RRP1: variants seen among roughly 807,000 people sequenced by gnomAD.
The protein encoded by RRP1 is ribosomal RNA processing 1, also known as ribosomal RNA processing protein 1 homolog A.
A neutral mutation model predicts 54.6 loss-of-function variants in RRP1; 37 were observed. That is an observed-to-expected ratio of 0.68 (90% confidence interval 0.52 to 0.89). RRP1 has a LOEUF of 0.89. Ranked by LOEUF, RRP1 falls within the 40% of genes least tolerant of loss-of-function variation. RRP1 has a pLI of 0.00. For missense variants in RRP1, 639 were observed against 612.5 expected (o/e 1.04, Z -0.46); for synonymous variants, 262 against 244.3 (o/e 1.07, Z -0.67).
intron 2 of RRP1, among the ~76,000 whole-genome samples, chr21:43,791,836 G>A (rs533260830): frequency 2.0e-5 from 3 of 152,192 alleles, no homozygotes; most frequent in Admixed American, 6.5e-5. Context: ...GCCAGAGACC[G>A]TGGGGAGGTC....
At chr21:43,796,895 T>C (rs559678879) in intron 5 of RRP1, among the ~76,000 whole-genome samples, 4 of 152,264 alleles carry the variant, frequency 2.6e-5, no homozygotes, top group African/African-American at 9.6e-5. Flanking sequence ...CAGGGAGAGC[T>C]CTGGTGGACG....
At chr21:43,791,548 G>A in intron 2 of RRP1, 116 bp downstream of exon 2, 2 of 931,982 alleles carry the variant, frequency 2.1e-6, no homozygotes, top group Non-Finnish European at 1.6e-6. Context: ...TGTTGCCCAG[G>A]CTGGAGTGCA....
At chr21:43,802,503 C>A (rs1569018675) in intron 12 of RRP1, 116 bp downstream of exon 12, 4 of 780,140 alleles carry the variant, frequency 5.1e-6, no homozygotes, top group Admixed American at 2.0e-5. Flanking sequence ...AGTCCCCCAT[C>A]CTGGGTGCCT....
intron 3 of RRP1, 177 bp downstream of exon 3, chr21:43,792,906 T>C: frequency 1.6e-6 from 1 of 641,376 alleles, no homozygotes; most frequent in Non-Finnish European, 2.7e-6. Context: ...GGTGTAAGTA[T>C]TCAACATGGA....
rs987774479 is a variant in RRP1, at chr21:43,791,364, G to A, written c.148G>A (p.Asp50Asn). The stretch of plus-strand genomic sequence containing the variant: ...TTTTGATGCAGGTGGTTTTACGCAC[G>A]ACGAGCTGCTGAAGGTGTGGAAAGG... ...TQRAAGGFTH[D>N]ELLKVWKGLF... Residue 50 changes from aspartate (D) to asparagine (N), a missense_variant, in exon 2 of 13, where the codon GAC (aspartate) becomes AAC (asparagine). By Grantham distance (23) the Asp-to-Asn change is conservative. Coordinates refer to ENST00000497547, the MANE Select transcript of RRP1 (RefSeq NM_003683.6). The A allele has an allele frequency of 5.6e-6, 9 of 1,613,900 alleles. No individual in the cohort carries two copies. Among genetic ancestry groups the A allele is most frequent in the Admixed American group, 1.7e-5 (1 of 60,004 alleles).
At chr21:43,790,814 C>T (rs1040097463) in intron 1 of RRP1, 2 of 342,324 alleles carry the variant, frequency 5.8e-6, no homozygotes, top group Non-Finnish European at 1.1e-5. Context: ...GTCTTGAACT[C>T]CTGGCCTCAA....
At chr21:43,791,175 G>T (rs568853179) in intron 1 of RRP1, 175 bp from the exon 2 acceptor site, 5 of 685,524 alleles carry the variant, frequency 7.3e-6, no homozygotes, top group South Asian at 3.0e-5. Context: ...CCACAGGCGC[G>T]GCAGGTTCTG....
chr21:43,793,872 G>A (rs1028384853), intron 4 of RRP1, among the ~76,000 whole-genome samples: 1 of 152,154 alleles, frequency 6.6e-6, no homozygotes, highest in Non-Finnish European at 1.5e-5. Flanking sequence ...GCACTGATTT[G>A]CCCTGAGAAT....
At position 43,799,653 on chromosome 21, in the gene RRP1, G is replaced by C. The variant is rs377213219; in HGVS notation, c.891+4G>C. On this transcript the variant is annotated splice_donor_region_variant and intron_variant, in intron 9 of 12. Coordinates refer to ENST00000497547, the MANE Select transcript of RRP1 (RefSeq NM_003683.6). ...CAGTGGCGGCCCCGTTCTCCAGGTGGGTTCCCTGGGCTCATGGCTGTGCCC... is the reference window on the plus strand; with the variant it reads ...CAGTGGCGGCCCCGTTCTCCAGGTGCGTTCCCTGGGCTCATGGCTGTGCCC... 2.2e-5 allele frequency: 36 copies of C among 1,606,722 alleles called. No individual in the cohort carries two copies. The highest frequency in any genetic ancestry group is 4.0e-5 in the African/African-American group (3 of 74,878).
intron 1 of RRP1, 88 bp from the exon 2 acceptor site, chr21:43,791,262 C>A: frequency 7.2e-7 from 1 of 1,380,748 alleles, no homozygotes; most frequent in Non-Finnish European, 1.0e-6. Flanking sequence ...ACTTTGGTCT[C>A]ATTCAGGCAG....
chr21:43,800,741 T>C, intron 10 of RRP1, 121 bp from the exon 11 acceptor site: 2 of 1,486,350 alleles, frequency 1.3e-6, no homozygotes, highest in South Asian at 2.3e-5. Flanking sequence ...GCTAGGACCC[T>C]GAGACCGTCC....
chr21:43,799,060 ATGC>A (rs1362331096), intron 8 of RRP1, among the ~76,000 whole-genome samples: 1 of 152,032 alleles, frequency 6.6e-6, no homozygotes, highest in Non-Finnish European at 1.5e-5. Flanking sequence ...CCCTTGTCAC[ATGC>A]TGCCCCACAG....
At chr21:43,798,836 C>T (rs769561121) in intron 8 of RRP1, among the ~76,000 whole-genome samples, 1 of 152,160 alleles carries the variant, frequency 6.6e-6, no homozygotes, top group African/African-American at 2.4e-5. Context: ...TGACCACGCT[C>T]AGGACCCCAG....
At chr21:43,791,952 C>T (rs1041337848) in intron 2 of RRP1, among the ~76,000 whole-genome samples, 1 of 152,206 alleles carries the variant, frequency 6.6e-6, no homozygotes, top group African/African-American at 2.4e-5. Context: ...CCGTGCACTG[C>T]AGCAGCACTG....
chr21:43,794,506 C>T (rs911892131), intron 4 of RRP1, among the ~76,000 whole-genome samples: 6 of 152,150 alleles, frequency 3.9e-5, no homozygotes, highest in African/African-American at 1.2e-4. Context: ...GAACAGTGTC[C>T]GGGCTGCTGG....
chr21:43,792,793 A>G (rs565840652), intron 3 of RRP1, 64 bp downstream of exon 3: 6 of 1,541,880 alleles, frequency 3.9e-6, no homozygotes, highest in Middle Eastern at 1.7e-4. Flanking sequence ...CATCAGAGCC[A>G]CCAGACCCAG....
chr21:43,797,428 C>A lies in RRP1; in HGVS notation c.429C>A (p.Ile143=). The A allele has an allele frequency of 6.2e-7, 1 of 1,611,132 alleles. No individual in the cohort carries two copies. Among genetic ancestry groups the A allele is most frequent in the Non-Finnish European group, 8.5e-7 (1 of 1,179,668 alleles). Residue 143 remains isoleucine, a synonymous_variant, in exon 6 of 13, where the codon ATC becomes ATA. Transcript: ENST00000497547. ...TTGCTTTTTCTTTCCTCAGACAGAT[C>A]GAGGAGCTGCTAGAGCTGCTGATGA... ...LKMQGWEERQ[I]EELLELLMTE...
intron 12 of RRP1, chr21:43,802,612 G>A (rs997055104): frequency 1.9e-6 from 1 of 525,746 alleles, no homozygotes; most frequent in Non-Finnish European, 3.5e-6. Flanking sequence ...GCTCCCCCGA[G>A]CTGTGTGCGC....
At chr21:43,801,711 CGCGTCAGTGAGGT>C (rs2085093698) in intron 11 of RRP1, among the ~76,000 whole-genome samples, 1 of 152,126 alleles carries the variant, frequency 6.6e-6, no homozygotes, top group Admixed American at 6.5e-5. Flanking sequence ...CGGGACAGCG[CGCGTCAGTGAGGT>C]GCGTGAGGAT....
Sources: allele counts gnomAD v4.1 joint callset (sites outside exome capture counted in the v4.1 genomes callset), GRCh38; gene constraint gnomAD v4.1.1; transcripts MANE v1.5; gene names NCBI Gene and HGNC (gene_info 2026-07-23, HGNC 2026-07-21).